GRK5: variants seen among roughly 807,000 people sequenced by gnomAD.
GRK5 encodes the protein G protein-coupled receptor kinase 5.
A neutral mutation model predicts 78.4 loss-of-function variants in GRK5; 40 were observed. The ratio of observed to expected loss-of-function variants is 0.51; its 90% CI spans 0.40 to 0.66. The LOEUF (loss-of-function observed/expected upper bound fraction) is 0.66, where lower values mean the gene tolerates loss of function less well. GRK5 is among the 30% of genes least tolerant of loss of function. The pLI, the probability that GRK5 is intolerant of heterozygous loss-of-function variation, is 0.00. For synonymous variants in GRK5, 289 were observed against 296.8 expected (o/e 0.97, Z 0.27); for missense variants, 598 against 759.9 (o/e 0.79, Z 2.50).
At chr10:119,384,338 G>T (rs562129044) in intron 3 of GRK5, among the ~76,000 whole-genome samples, 2 of 152,184 alleles carry the variant, frequency 1.3e-5, no homozygotes, top group Non-Finnish European at 2.9e-5. Context: ...CTGCTGCCCC[G>T]TGCTGGCAGA....
chr10:119,339,713 C>T (rs1333238284), intron 2 of GRK5, among the ~76,000 whole-genome samples: 1 of 151,968 alleles, frequency 6.6e-6, no homozygotes, highest in Non-Finnish European at 1.5e-5. Context: ...GGCAACATGG[C>T]GAAACCTAGT....
intron 4 of GRK5, among the ~76,000 whole-genome samples, chr10:119,405,594 G>A (rs1375452897): frequency 1.5e-5 from 2 of 133,480 alleles, no homozygotes; most frequent in East Asian, 2.5e-4. Context: ...TCAGGAAGCC[G>A]AACAAACCCA....
intron 1 of GRK5, among the ~76,000 whole-genome samples, chr10:119,309,928 C>G (rs919716860): frequency 6.6e-6 from 1 of 152,170 alleles, no homozygotes; most frequent in Admixed American, 6.5e-5. Context: ...GGCTTGTTTC[C>G]TCCTCTGCAA....
intron 3 of GRK5, among the ~76,000 whole-genome samples, chr10:119,390,093 C>T (rs544294621): frequency 6.6e-6 from 1 of 152,220 alleles, no homozygotes; most frequent in African/African-American, 2.4e-5. Flanking sequence ...GACAGAGAAA[C>T]AATTCTGAGA....
At chr10:119,343,088 C>A (rs959865807) in intron 2 of GRK5, among the ~76,000 whole-genome samples, 2 of 152,200 alleles carry the variant, frequency 1.3e-5, no homozygotes, top group African/African-American at 2.4e-5. Flanking sequence ...CCTTAGGAAG[C>A]TGTCTCTAGT....
rs562145234 is a variant in GRK5 at position 119,229,074 on chromosome 10, C to CT, written c.52+21108dup. Among the ~76,000 whole-genome samples the CT allele has an allele frequency of 1.6e-3, 246 of 152,256 alleles. 2 individuals carry two copies. Among genetic ancestry groups the CT allele is most frequent in the African/African-American group, 5.8e-3 (240 of 41,566 alleles). ...TTGACTCCGCTAGATGATGACATGT[C>CT]TTTGTCTTTCAAATGCGAATTTGAT... On this transcript the variant is annotated intron_variant, in intron 1 of 15. Coordinates refer to ENST00000392870, the MANE Select transcript of GRK5 (RefSeq NM_005308.3).
chr10:119,224,851 A>T (rs142323287), intron 1 of GRK5, among the ~76,000 whole-genome samples: 1 of 152,334 alleles, frequency 6.6e-6, no homozygotes, highest in East Asian at 1.9e-4. Context: ...TGTGCCACTC[A>T]TGTGCTGTGT....
intron 1 of GRK5, among the ~76,000 whole-genome samples, chr10:119,233,963 G>A (rs182236187): frequency 6.6e-5 from 10 of 152,262 alleles, no homozygotes; most frequent in Admixed American, 5.2e-4. Context: ...GTGTGAGTCC[G>A]GAAGTGGATT....
intron 1 of GRK5, among the ~76,000 whole-genome samples, chr10:119,313,610 T>C (rs1388009936): frequency 6.6e-6 from 1 of 152,082 alleles, no homozygotes; most frequent in Non-Finnish European, 1.5e-5. Flanking sequence ...GGTTGTGTCC[T>C]GGTGAACAGT....
chr10:119,338,380 AG>A (rs1850930238), intron 2 of GRK5, among the ~76,000 whole-genome samples: 1 of 152,230 alleles, frequency 6.6e-6, no homozygotes, highest in South Asian at 2.1e-4. Context: ...GAAAATTATA[AG>A]GAAAGAAAGT....
At chr10:119,318,786 A>G (rs1850534844) in intron 1 of GRK5, among the ~76,000 whole-genome samples, 1 of 152,004 alleles carries the variant, frequency 6.6e-6, no homozygotes, top group Non-Finnish European at 1.5e-5. Context: ...ACACCGGTTC[A>G]TTTCAGCCCC....
intron 13 of GRK5, among the ~76,000 whole-genome samples, chr10:119,450,939 G>A (rs1301022902): frequency 4.0e-5 from 6 of 150,672 alleles, no homozygotes; most frequent in Admixed American, 1.3e-4. Context: ...CAGGCTGCAC[G>A]CCAACCCCCA....
At chr10:119,286,512 G>T (rs1849848914) in intron 1 of GRK5, among the ~76,000 whole-genome samples, 1 of 152,234 alleles carries the variant, frequency 6.6e-6, no homozygotes, top group South Asian at 2.1e-4. Context: ...GGGCCCCAGG[G>T]CCCCCCTCAG....
intron 1 of GRK5, among the ~76,000 whole-genome samples, chr10:119,259,141 T>C (rs373266585): frequency 8.4e-4 from 125 of 148,702 alleles, no homozygotes; most frequent in African/African-American, 3.0e-3. Context: ...CTCGGCTCAC[T>C]GCAAGCTCCG....
At chr10:119,228,543 C>T (rs1239806050) in intron 1 of GRK5, among the ~76,000 whole-genome samples, 1 of 151,652 alleles carries the variant, frequency 6.6e-6, no homozygotes, top group East Asian at 1.9e-4. Flanking sequence ...ATCATTTGAG[C>T]CCAAGAATTC....
intron 4 of GRK5, among the ~76,000 whole-genome samples, chr10:119,406,123 G>C (rs1183811904): frequency 6.6e-6 from 1 of 152,200 alleles, no homozygotes; most frequent in Admixed American, 6.5e-5. Flanking sequence ...CTTCATGATG[G>C]AAGGCTTGCA....
Position 119,394,074 on chromosome 10 carries a change from GGT to G in GRK5, c.262-2613_262-2612del, listed in dbSNP as rs1181929537. Among the ~76,000 whole-genome samples the G allele has an allele frequency of 2.1e-5, 3 of 141,534 alleles. 1 individual carries two copies. In the East Asian group the frequency reaches 6.6e-4, roughly 31 times the overall value. The allele number at this position is 141,534 out of a possible 152,430, so 92.9% of individuals were successfully genotyped here. A position where few individuals can be genotyped will look rare whatever the true frequency, so the allele number is the denominator to read the frequency against. ...GTGTGGTTGTGTGTGTGTGTCTGTG[GGT>G]GTGTGTGGGTATCTGTGTGTGTCTG... is the stretch of plus-strand genomic sequence containing the variant. On this transcript the variant is annotated intron_variant, in intron 3 of 15. Transcript: ENST00000392870.
chr10:119,243,095 T>A (rs1193813818), intron 1 of GRK5, among the ~76,000 whole-genome samples: 3 of 152,130 alleles, frequency 2.0e-5, no homozygotes, highest in African/African-American at 7.2e-5. Context: ...AAAAATTAGC[T>A]GGACATGGAG....
intron 2 of GRK5, among the ~76,000 whole-genome samples, chr10:119,347,218 ATG>A (rs746293301): frequency 7.2e-4 from 109 of 152,020 alleles, no homozygotes; most frequent in African/African-American, 2.0e-3. Context: ...TATTTCATGT[ATG>A]TGTGTGTGTG....
Sources: allele counts gnomAD v4.1 joint callset (sites outside exome capture counted in the v4.1 genomes callset), GRCh38; gene constraint gnomAD v4.1.1; transcripts MANE v1.5; gene names NCBI Gene and HGNC (gene_info 2026-07-23, HGNC 2026-07-21).